SH2D4A: variants seen among roughly 807,000 people sequenced by gnomAD.
SH2D4A encodes the protein SH2 domain containing 4A, also known as SH2 domain-containing protein 4A.
In SH2D4A, 70 loss-of-function variants were observed where a neutral mutation model predicts 64.7. The ratio of observed to expected loss-of-function variants is 1.08; its 90% CI spans 0.89 to 1.32. The LOEUF (loss-of-function observed/expected upper bound fraction) is 1.32. SH2D4A is among the 40% of genes most tolerant of loss of function. The pLI is 0.00. For missense variants in SH2D4A, 706 were observed against 540.1 expected, an observed-to-expected ratio of 1.31 and a Z score of -3.04; for synonymous variants, 268 against 200.7, an observed-to-expected ratio of 1.34 and a Z score of -2.83.
At chr8:19,347,372 G>C (rs11204032) in intron 4 of SH2D4A, among the ~76,000 whole-genome samples, 31,458 of 152,132 alleles carry the variant, frequency 0.21, 4,003 homozygotes, top group African/African-American at 0.35. Context: ...ACCTAGGGGA[G>C]TTTGGGTATG....
intron 2 of SH2D4A, among the ~76,000 whole-genome samples, chr8:19,320,975 A>T (rs2052179463): frequency 6.6e-6 from 1 of 152,176 alleles, no homozygotes; most frequent in Non-Finnish European, 1.5e-5. Context: ...TTTACTTTTT[A>T]CTGTCTTTTA....
At chr8:19,368,775 T>G (rs1329097120) in intron 7 of SH2D4A, among the ~76,000 whole-genome samples, 1 of 152,160 alleles carries the variant, frequency 6.6e-6, no homozygotes, top group African/African-American at 2.4e-5. Context: ...TCAGGTCATC[T>G]GCAAACAGAC....
intron 6 of SH2D4A, among the ~76,000 whole-genome samples, chr8:19,363,016 C>A (rs927268608): frequency 2.0e-5 from 3 of 151,944 alleles, no homozygotes; most frequent in Non-Finnish European, 2.9e-5. Flanking sequence ...GTAGAGGCAC[C>A]ATTTTTTTTT....
At chr8:19,366,450 T>C (rs1386689550) in intron 7 of SH2D4A, among the ~76,000 whole-genome samples, 1 of 152,152 alleles carries the variant, frequency 6.6e-6, no homozygotes, top group African/African-American at 2.4e-5. Context: ...TCTCCCTATT[T>C]ACCATCCCCC....
intron 1 of SH2D4A, among the ~76,000 whole-genome samples, chr8:19,315,505 C>G (rs1698007852): frequency 6.6e-6 from 1 of 152,170 alleles, no homozygotes; most frequent in Admixed American, 6.5e-5. Flanking sequence ...CAGAGTTATT[C>G]AAAAGACAGT....
At chr8:19,356,968 C>T (rs1463105359) in intron 4 of SH2D4A, among the ~76,000 whole-genome samples, 4 of 152,216 alleles carry the variant, frequency 2.6e-5, no homozygotes, top group Non-Finnish European at 2.9e-5. Context: ...ACCAGCTCCT[C>T]GCTCTTGGGC....
At position 19,313,957 on chromosome 8, in the gene SH2D4A, C is replaced by A. The variant is rs1481691260; in HGVS notation, c.-205+134C>A. On this transcript the variant is annotated intron_variant, in intron 1 of 9. Transcript: ENST00000265807. ...CAGAGCGGGCGGGCGGAAGCCTCAC[C>A]CCCGCCTCCACCCCTTCGCGGCGCC... The A allele has an allele frequency of 2.6e-5, 33 of 1,271,408 alleles. No individual in the cohort carries two copies. The South Asian group carries it at 8.1e-4, about 31-fold the overall frequency. The allele number at this position is 1,271,408 out of a possible 1,614,324, so 78.8% of individuals were successfully genotyped here.
At position 19,332,967 on chromosome 8, in the gene SH2D4A, C is replaced by T. The variant is rs142766707; in HGVS notation, c.194C>T (p.Ser65Leu). 45 of 1,609,904 alleles carry T rather than the reference C, an allele frequency of 2.8e-5. No homozygotes were observed. In the African/African-American group the frequency reaches 2.8e-4, roughly 10 times the overall value. Reference protein sequence around the residue: ...KPRPKKENGKSVHWKLGADKE... With the variant: ...KPRPKKENGKLVHWKLGADKE... The stretch of plus-strand genomic sequence containing the variant: ...TGTTTGTTTGCAGAGAATGGCAAAT[C>T]GGTTCATTGGAAACTTGGAGCTGAT... Residue 65 changes from serine to leucine, a missense_variant, in exon 3 of 10, where the codon TCG becomes TTG. Coordinates refer to ENST00000265807, the MANE Select transcript of SH2D4A (RefSeq NM_022071.4).
At position 19,332,994 on chromosome 8, in the gene SH2D4A, AG is replaced by A. The variant is rs2052387750; in HGVS notation, c.223del (p.Glu75LysfsTer6). ...GTTCATTGGAAACTTGGAGCTGATA[AG>A]GAAGTCTGGGTATGGGTGATGGGCG... ...KSVHWKLGAD[K>X]EVWVWVMGEH... On this transcript the variant is annotated frameshift_variant, in exon 3 of 10. Coordinates refer to ENST00000265807, the MANE Select transcript of SH2D4A (RefSeq NM_022071.4). LOFTEE classifies it high-confidence loss of function. The A allele has an allele frequency of 6.2e-7, 1 of 1,613,790 alleles. No homozygotes were observed. The highest frequency in any genetic ancestry group is 1.3e-5 in the African/African-American group (1 of 75,022).
At chr8:19,363,952 T>C (rs534702406) in intron 6 of SH2D4A, 120 bp from the exon 7 acceptor site, 2 of 867,298 alleles carry the variant, frequency 2.3e-6, no homozygotes, top group East Asian at 2.6e-5. Flanking sequence ...TGTTCCTTAT[T>C]ATAAGCAGAC....
In SH2D4A at chr8:19,364,170, G is replaced by C; in HGVS notation, c.805G>C (p.Gly269Arg). The change falls in exon 7 of 10, where the codon GGC becomes CGC. Residue 269 changes from glycine to arginine, a missense_variant. By Grantham distance (125) the Gly-to-Arg change is moderately radical. Coordinates refer to ENST00000265807, the MANE Select transcript of SH2D4A (RefSeq NM_022071.4). ...RLSLGAQKGR[G>R]GERLQSPLRV... Reference sequence around the variant, plus strand: ...ATCCCTCGGGGCCCAGAAAGGAAGAGGCGGTGAGAGGCTGCAAAGCCCCTT... The same window carrying C: ...ATCCCTCGGGGCCCAGAAAGGAAGACGCGGTGAGAGGCTGCAAAGCCCCTT... 6.2e-7 allele frequency: 1 copy of C among 1,614,134 alleles called. No homozygotes were observed.
chr8:19,322,423 G>A (rs2052207217), intron 2 of SH2D4A, among the ~76,000 whole-genome samples: 1 of 151,968 alleles, frequency 6.6e-6, no homozygotes. Context: ...TTTGAAGGTT[G>A]TTCATTTCAT....
intron 8 of SH2D4A, among the ~76,000 whole-genome samples, chr8:19,388,807 CTT>C (rs2053433846): frequency 6.6e-6 from 1 of 152,184 alleles, no homozygotes; most frequent in Non-Finnish European, 1.5e-5. Context: ...TCATTAAACT[CTT>C]TTTCGGTCAT....
At chr8:19,323,800 C>T (rs942577759) in intron 2 of SH2D4A, among the ~76,000 whole-genome samples, 20 of 152,312 alleles carry the variant, frequency 1.3e-4, no homozygotes, top group African/African-American at 4.8e-4. Flanking sequence ...GGGTATCAGA[C>T]CCTGAGCATT....
intron 8 of SH2D4A, among the ~76,000 whole-genome samples, chr8:19,374,926 G>T (rs890524465): frequency 2.0e-5 from 3 of 152,156 alleles, no homozygotes; most frequent in African/African-American, 7.2e-5. Flanking sequence ...TGTAGTTTCT[G>T]TATCTTTGGA....
chr8:19,314,272 C>G (rs924016970), intron 1 of SH2D4A, among the ~76,000 whole-genome samples: 1 of 152,168 alleles, frequency 6.6e-6, no homozygotes, highest in African/African-American at 2.4e-5. Flanking sequence ...AGACTCCTAG[C>G]AGGAGCACGT....
chr8:19,356,806 C>A (rs2052798738), intron 4 of SH2D4A, among the ~76,000 whole-genome samples: 1 of 152,188 alleles, frequency 6.6e-6, no homozygotes, highest in Non-Finnish European at 1.5e-5. Context: ...ATAGTTAAAT[C>A]CAGAGACTAA....
chr8:19,360,253 A>G lies in SH2D4A; in HGVS notation c.595-950A>G, dbSNP rs74958804. Reference sequence around the variant, plus strand: ...AAAGGAATATTTACATTTTGAAAGTATTTCTCCCTTCTCAAAAGATGCTTT... The same window carrying G: ...AAAGGAATATTTACATTTTGAAAGTGTTTCTCCCTTCTCAAAAGATGCTTT... On this transcript the variant is annotated intron_variant, in intron 5 of 9. Transcript: ENST00000265807. Among the ~76,000 whole-genome samples the G allele has an allele frequency of 7.6e-3, 1,150 of 151,100 alleles. 17 individuals carry two copies. The highest frequency in any genetic ancestry group is 0.026 in the African/African-American group (1,076 of 41,134).
intron 4 of SH2D4A, among the ~76,000 whole-genome samples, chr8:19,347,588 G>A (rs1228082674): frequency 2.0e-5 from 3 of 152,174 alleles, no homozygotes; most frequent in African/African-American, 7.2e-5. Flanking sequence ...AATCAGTACT[G>A]ACTGTCCTTG....
Sources: gnomAD v4.1 joint callset for allele counts (sites outside exome capture counted in the v4.1 genomes callset) on GRCh38, gnomAD v4.1.1 for gene constraint, MANE v1.5 for transcripts, NCBI Gene and HGNC (gene_info 2026-07-23, HGNC 2026-07-21) for gene names.